Variants in NMBR observed in about 807,000 individuals in gnomAD.
The protein encoded by NMBR is neuromedin B receptor.
NMBR carries 16 observed loss-of-function variants against 20.5 expected under a neutral mutation model. The ratio of observed to expected loss-of-function variants is 0.78; its 90% CI spans 0.53 to 1.19. The LOEUF is 1.19. Ranked by LOEUF, NMBR falls within the 50% of genes most tolerant of loss-of-function variation. The pLI is 0.00. For missense variants in NMBR, 582 were observed against 499.1 expected, an observed-to-expected ratio of 1.17 and a Z score of -1.58; for synonymous variants, 212 against 196.6, an observed-to-expected ratio of 1.08 and a Z score of -0.65.
At chr6:142,143,484 A>T (rs971239652) in intron 1 of NMBR, among the ~76,000 whole-genome samples, 1 of 152,092 alleles carries the variant, frequency 6.6e-6, no homozygotes, top group Non-Finnish European at 1.5e-5. Flanking sequence ...GGGTTTCTCC[A>T]TGTTGGCCAG....
chr6:142,090,178 G>T (rs1777297005), intron 1 of NMBR, among the ~76,000 whole-genome samples: 1 of 151,920 alleles, frequency 6.6e-6, no homozygotes, highest in African/African-American at 2.4e-5. Context: ...AGAAATGGTG[G>T]CTCAGTTCTG....
chr6:142,105,741 A>G (rs1321256274), intron 1 of NMBR, among the ~76,000 whole-genome samples: 1 of 152,150 alleles, frequency 6.6e-6, no homozygotes, highest in Non-Finnish European at 1.5e-5. Flanking sequence ...TTTAACTTTT[A>G]GTAATCCCAA....
intron 1 of NMBR, among the ~76,000 whole-genome samples, chr6:142,144,997 A>AGG (rs1778407527): frequency 7.7e-6 from 1 of 130,322 alleles, no homozygotes; most frequent in Non-Finnish European, 1.6e-5. Context: ...ACTCCAGCTT[A>AGG]GGTGACAGAG....
intron 1 of NMBR, among the ~76,000 whole-genome samples, chr6:142,095,965 G>T (rs1777441983): frequency 6.6e-6 from 1 of 152,018 alleles, no homozygotes; most frequent in African/African-American, 2.4e-5. Flanking sequence ...ATTCTCTGAT[G>T]GTAGTTTGTA....
At chr6:142,107,019 A>T (rs945495706) in intron 1 of NMBR, among the ~76,000 whole-genome samples, 1 of 152,234 alleles carries the variant, frequency 6.6e-6, no homozygotes, top group Non-Finnish European at 1.5e-5. Flanking sequence ...TTTTAGGTTC[A>T]TAAGTGTTCT....
intron 1 of NMBR, among the ~76,000 whole-genome samples, chr6:142,123,850 G>T (rs907220696): frequency 6.6e-6 from 1 of 151,950 alleles, no homozygotes; most frequent in South Asian, 2.1e-4. Context: ...CCCATAAGCC[G>T]TAGTTTGCCG....
Position 142,088,438 on chromosome 6 carries a change from ATGGCGCTGT to A in NMBR, c.212_220del (p.Asn71_Ala73del). 6.2e-7 allele frequency: 1 copy of A among 1,614,030 alleles called. No individual in the cohort carries two copies. The highest frequency in any genetic ancestry group is 1.1e-5 in the South Asian group (1 of 91,062). ...GATGAAGATGTTGGGGACGCTCCTC[ATGGCGCTGT>A]TGGTGATGAAGATCTTCACCAGCAT... On this transcript the variant is annotated inframe_deletion, in exon 2 of 4. Transcript: ENST00000258042.
At chr6:142,134,400 CACAT>C in intron 1 of NMBR, 1 of 451,258 alleles carries the variant, frequency 2.2e-6, no homozygotes, top group Non-Finnish European at 3.9e-6. Context: ...TATATTAAGA[CACAT>C]ATAAGATTTT....
chr6:142,090,683 A>G (rs1777305971), intron 1 of NMBR, among the ~76,000 whole-genome samples: 1 of 151,438 alleles, frequency 6.6e-6, no homozygotes, highest in Admixed American at 6.6e-5. Flanking sequence ...AAGTTGAGAA[A>G]TGTCTCTAGG....
At chr6:142,144,678 AAT>A (rs1778403003) in intron 1 of NMBR, among the ~76,000 whole-genome samples, 1 of 152,208 alleles carries the variant, frequency 6.6e-6, no homozygotes, top group African/African-American at 2.4e-5. Flanking sequence ...TTTATAGCAT[AAT>A]TTCAATGTGT....
intron 1 of NMBR, among the ~76,000 whole-genome samples, chr6:142,091,948 C>A (rs78896667): frequency 1.3e-5 from 2 of 151,990 alleles, no homozygotes; most frequent in Non-Finnish European, 1.5e-5. Context: ...AAATTTAAAC[C>A]AATTTTGTAA....
intron 1 of NMBR, among the ~76,000 whole-genome samples, chr6:142,116,872 T>C (rs1333715386): frequency 1.3e-5 from 2 of 152,038 alleles, no homozygotes; most frequent in Non-Finnish European, 2.9e-5. Context: ...ATTAGCATAA[T>C]TGCTTTTTAC....
intron 1 of NMBR, among the ~76,000 whole-genome samples, chr6:142,095,687 C>T (rs1229409028): frequency 6.6e-6 from 1 of 152,144 alleles, no homozygotes. Context: ...AGGGAGGATT[C>T]CCTCTTTTTC....
intron 2 of NMBR, among the ~76,000 whole-genome samples, chr6:142,082,038 A>G (rs572447361): frequency 2.0e-5 from 3 of 152,320 alleles, no homozygotes; most frequent in African/African-American, 7.2e-5. Flanking sequence ...AATTAAGTTT[A>G]ATCATAAAAC....
At chr6:142,098,555 C>T (rs541362286) in intron 1 of NMBR, among the ~76,000 whole-genome samples, 33 of 152,112 alleles carry the variant, frequency 2.2e-4, no homozygotes, top group African/African-American at 8.0e-4. Flanking sequence ...GAATTTGACA[C>T]TGAAAACATT....
chr6:142,117,867 C>T (rs1777880237), intron 1 of NMBR, among the ~76,000 whole-genome samples: 1 of 151,812 alleles, frequency 6.6e-6, no homozygotes, highest in South Asian at 2.1e-4. Flanking sequence ...AAAGTATTTA[C>T]AATTTATCAT....
At chr6:142,095,952 A>G (rs1053521459) in intron 1 of NMBR, among the ~76,000 whole-genome samples, 1 of 152,150 alleles carries the variant, frequency 6.6e-6, no homozygotes, top group Non-Finnish European at 1.5e-5. Context: ...AGGTGTTTAC[A>G]GTATTCTCTG....
intron 1 of NMBR, among the ~76,000 whole-genome samples, chr6:142,113,597 A>T (rs1006308767): frequency 1.3e-5 from 2 of 152,194 alleles, no homozygotes; most frequent in African/African-American, 4.8e-5. Context: ...GATTCCATGT[A>T]TCTGAATAAA....
intron 1 of NMBR, among the ~76,000 whole-genome samples, chr6:142,130,092 T>C (rs1049120709): frequency 2.0e-5 from 3 of 152,128 alleles, no homozygotes; most frequent in African/African-American, 7.2e-5. Context: ...CTGAGGAGTG[T>C]AAATAAGGGC....
Sources: allele counts gnomAD v4.1 joint callset (sites outside exome capture counted in the v4.1 genomes callset), GRCh38; gene constraint gnomAD v4.1.1; transcripts MANE v1.5; gene names NCBI Gene and HGNC (gene_info 2026-07-23, HGNC 2026-07-21).